LDLRAD3: variants seen among roughly 807,000 people sequenced by gnomAD.
The protein encoded by LDLRAD3 is low-density lipoprotein receptor class A domain-containing protein 3.
In LDLRAD3, 20 loss-of-function variants were observed where a neutral mutation model predicts 29.4. The observed-to-expected ratio is 0.68, with a 90% CI of 0.48 to 0.99. LDLRAD3 has a LOEUF of 0.99. Among genes scored for constraint, LDLRAD3 ranks in the 50% least tolerant of loss-of-function variants. LDLRAD3 has a pLI of 0.00. For missense variants in LDLRAD3, 420 were observed against 454.3 expected (o/e 0.92, Z 0.69); for synonymous variants, 157 against 192.7 (o/e 0.81, Z 1.53).
At chr11:36,115,029 C>T (rs560797171) in intron 4 of LDLRAD3, among the ~76,000 whole-genome samples, 2 of 152,152 alleles carry the variant, frequency 1.3e-5, no homozygotes, top group East Asian at 1.9e-4. Context: ...TGGCCTCTTC[C>T]GTGTCCAGAA....
At chr11:36,097,410 T>C (rs61254065) in intron 3 of LDLRAD3, among the ~76,000 whole-genome samples, 356 of 152,340 alleles carry the variant, frequency 2.3e-3, no homozygotes, top group African/African-American at 8.4e-3. Context: ...CCTTCTGGCT[T>C]GGCTTTGCTC....
intron 4 of LDLRAD3, among the ~76,000 whole-genome samples, chr11:36,100,143 TC>T (rs1230810980): frequency 2.0e-5 from 3 of 152,078 alleles, no homozygotes; most frequent in Non-Finnish European, 2.9e-5. Context: ...GGCCCAGCCA[TC>T]GGCGTTTTAC....
At chr11:36,002,065 A>G (rs1397011887) in intron 1 of LDLRAD3, among the ~76,000 whole-genome samples, 1 of 152,154 alleles carries the variant, frequency 6.6e-6, no homozygotes, top group African/African-American at 2.4e-5. Context: ...CTCCTCGTCT[A>G]GGGGGGTTGC....
At chr11:36,006,180 T>G (rs1851882825) in intron 1 of LDLRAD3, among the ~76,000 whole-genome samples, 1 of 152,206 alleles carries the variant, frequency 6.6e-6, no homozygotes, top group Non-Finnish European at 1.5e-5. Context: ...CCCAGCAGTT[T>G]GATTCTGTTT....
intron 2 of LDLRAD3, among the ~76,000 whole-genome samples, chr11:36,063,157 C>T (rs548835810): frequency 6.6e-6 from 1 of 152,270 alleles, no homozygotes; most frequent in South Asian, 2.1e-4. Flanking sequence ...GGGTTATCCA[C>T]ACCCACCCCA....
intron 4 of LDLRAD3, among the ~76,000 whole-genome samples, chr11:36,178,051 G>T (rs952213897): frequency 6.6e-6 from 1 of 152,172 alleles, no homozygotes; most frequent in Non-Finnish European, 1.5e-5. Flanking sequence ...CTGTGTTCCT[G>T]TGGTGGTTTT....
At chr11:35,955,243 TCAAAA>T (rs796744097) in intron 1 of LDLRAD3, among the ~76,000 whole-genome samples, 1 of 152,100 alleles carries the variant, frequency 6.6e-6, no homozygotes, top group African/African-American at 2.4e-5. Flanking sequence ...AGACTCTCTC[TCAAAA>T]CAAAACAAAA....
At chr11:35,949,386 C>T (rs921956523) in intron 1 of LDLRAD3, among the ~76,000 whole-genome samples, 6 of 152,192 alleles carry the variant, frequency 3.9e-5, no homozygotes, top group African/African-American at 1.2e-4. Context: ...GGAGCACAAG[C>T]TGCCAGATTG....
intron 4 of LDLRAD3, among the ~76,000 whole-genome samples, chr11:36,102,273 T>C (rs1853461431): frequency 6.6e-6 from 1 of 152,216 alleles, no homozygotes; most frequent in Non-Finnish European, 1.5e-5. Context: ...AGTCAAACTT[T>C]GTTCTCTCTC....
intron 3 of LDLRAD3, among the ~76,000 whole-genome samples, chr11:36,089,851 A>G (rs1479958891): frequency 6.7e-6 from 1 of 148,342 alleles, no homozygotes; most frequent in Non-Finnish European, 1.5e-5. Flanking sequence ...GCCCCGAGCT[A>G]TCCTCCCACT....
rs200090248 is a variant in LDLRAD3, at chr11:36,087,715, ATT to A, written c.319+5947_319+5948del. 4.7e-4 allele frequency among the ~76,000 whole-genome samples: 70 copies of A among 148,682 alleles called. 1 individual carries two copies. Among genetic ancestry groups the A allele is most frequent in the Admixed American group, 2.8e-3 (41 of 14,852 alleles). ...GATAAGCAAAAACCCAGTATATATAATTTTTTTTTTTCCCAAATAGGGTCTCA... is the reference window on the plus strand; with the variant it reads ...GATAAGCAAAAACCCAGTATATATAATTTTTTTTTCCCAAATAGGGTCTCA... On this transcript the variant is annotated intron_variant, in intron 3 of 5. Transcript: ENST00000315571.
chr11:35,950,728 G>A (rs1565118499), intron 1 of LDLRAD3, among the ~76,000 whole-genome samples: 1 of 152,234 alleles, frequency 6.6e-6, no homozygotes, highest in South Asian at 2.1e-4. Context: ...GTCTGGCAGG[G>A]TGGCAAGCAC....
intron 4 of LDLRAD3, among the ~76,000 whole-genome samples, chr11:36,164,302 A>G (rs1854485486): frequency 1.3e-5 from 2 of 152,236 alleles, no homozygotes; most frequent in African/African-American, 4.8e-5. Context: ...AAAATACCCA[A>G]GTGTTGCTTT....
intron 4 of LDLRAD3, among the ~76,000 whole-genome samples, chr11:36,173,851 GGAAAAAAACTACT>G (rs1854633598): frequency 9.5e-5 from 1 of 10,504 alleles, no homozygotes; most frequent in Non-Finnish European, 2.1e-3. Flanking sequence ...TCACAGAATT[GGAAAAAAACTACT>G]TTAAAGTTCA....
chr11:36,002,685 G>A (rs190072474), intron 1 of LDLRAD3, among the ~76,000 whole-genome samples: 2 of 152,310 alleles, frequency 1.3e-5, no homozygotes, highest in East Asian at 3.9e-4. Context: ...AACTGGACAA[G>A]GTCAGAGGAA....
At chr11:36,112,157 T>G (rs1853615204) in intron 4 of LDLRAD3, among the ~76,000 whole-genome samples, 1 of 152,250 alleles carries the variant, frequency 6.6e-6, no homozygotes, top group South Asian at 2.1e-4. Context: ...GCACATCCTT[T>G]TTAATGCAGG....
intron 2 of LDLRAD3, among the ~76,000 whole-genome samples, chr11:36,073,967 G>T (rs1346184170): frequency 6.6e-6 from 1 of 152,122 alleles, no homozygotes; most frequent in Admixed American, 6.6e-5. Flanking sequence ...TTCACTTCTG[G>T]ACCTCAGTTT....
At chr11:35,993,790 G>A (rs551638309) in intron 1 of LDLRAD3, among the ~76,000 whole-genome samples, 68 of 152,120 alleles carry the variant, frequency 4.5e-4, no homozygotes, top group Non-Finnish European at 8.4e-4. Context: ...AGCTGATTCA[G>A]ACGTGTGGCC....
chr11:36,011,872 C>T (rs1851959809), intron 1 of LDLRAD3, among the ~76,000 whole-genome samples: 2 of 152,160 alleles, frequency 1.3e-5, no homozygotes, highest in African/African-American at 4.8e-5. Context: ...GGGTGCTCCA[C>T]GAATGCAGGC....
Sources: allele counts gnomAD v4.1 joint callset (sites outside exome capture counted in the v4.1 genomes callset), GRCh38; gene constraint gnomAD v4.1.1; transcripts MANE v1.5; gene names NCBI Gene and HGNC (gene_info 2026-07-23, HGNC 2026-07-21).